SLC48A1: variants seen among roughly 807,000 people sequenced by gnomAD.
The protein encoded by SLC48A1 is heme transporter HRG1.
In SLC48A1, 6 loss-of-function variants were observed where a neutral mutation model predicts 14.8. That is an observed-to-expected ratio of 0.41 (90% CI 0.22 to 0.80). SLC48A1 has a LOEUF of 0.80. SLC48A1 is among the 30% of genes least tolerant of loss of function. The pLI, the probability that SLC48A1 is intolerant of heterozygous loss-of-function variation, is 0.34. For synonymous variants in SLC48A1, 89 were observed against 90.0 expected, an observed-to-expected ratio of 0.99 and a Z score of 0.06; for missense variants, 165 against 204.8, an observed-to-expected ratio of 0.81 and a Z score of 1.19.
In SLC48A1 at chr12:47,760,365, A is replaced by C. The variant is rs937750415; in HGVS notation, c.-223A>C. The C allele has an allele frequency of 4.1e-6, 4 of 985,364 alleles. No individual in the cohort carries two copies. The South Asian group carries it at 1.4e-4, about 35-fold the overall frequency. 61.0% of individuals were successfully genotyped at this position (985,364 alleles called of 1,614,324 possible). ...TTTGGAAGAAGGAAGAGCAACCTGG[A>C]AACTGACAGGAAAGGATGACAAGTT... On this transcript the variant is annotated 5_prime_UTR_variant, in exon 2 of 5. Transcript: ENST00000547002.
At chr12:47,776,674 G>C (rs1322306405) in intron 1 of SLC48A1, among the ~76,000 whole-genome samples, 3 of 152,136 alleles carry the variant, frequency 2.0e-5, no homozygotes, top group Non-Finnish European at 4.4e-5. Flanking sequence ...AACCATGCCT[G>C]TTGTTAACAA....
At chr12:47,761,392 T>C (rs905433075) in intron 2 of SLC48A1, among the ~76,000 whole-genome samples, 2 of 152,174 alleles carry the variant, frequency 1.3e-5, no homozygotes, top group Non-Finnish European at 2.9e-5. Flanking sequence ...TCTGGGGAGA[T>C]TGAGAAGAGG....
rs144936903 is a variant in SLC48A1, at chr12:47,760,817, G to A, written c.-187+416G>A. ...ATGAATCCAGGTTGTCTGTCTCCACGTACTCACCATGGTATACTGCGTATA... is the reference window on the plus strand; with the variant it reads ...ATGAATCCAGGTTGTCTGTCTCCACATACTCACCATGGTATACTGCGTATA... On this transcript the variant is annotated intron_variant, in intron 2 of 4. Transcript: ENST00000547002. Among the ~76,000 whole-genome samples, 135 of 152,266 alleles carry A rather than the reference G, an allele frequency of 8.9e-4. 3 individuals carry two copies. In the South Asian group the frequency reaches 0.016, roughly 18 times the overall value.
intron 2 of SLC48A1, among the ~76,000 whole-genome samples, chr12:47,779,524 G>T (rs545146200): frequency 1.3e-5 from 2 of 152,186 alleles, no homozygotes; most frequent in African/African-American, 2.4e-5. Flanking sequence ...TCCTTCTTCC[G>T]GGAGTCTGAT....
chr12:47,780,245 T>G lies in SLC48A1; in HGVS notation c.405T>G (p.Ala135=). 6.2e-7 allele frequency: 1 copy of G among 1,614,266 alleles called. No individual in the cohort carries two copies. The highest frequency in any genetic ancestry group is 8.5e-7 in the Non-Finnish European group (1 of 1,180,040). ...GCCTCTATGCCCACCGCTACCGGGC[T>G]GACTTTGCTGACATCAGCATCCTCA... ...LLSLYAHRYR[A]DFADISILSD... The change falls in exon 3 of 3, where the codon GCT becomes GCG. Residue 135 remains alanine, a synonymous_variant. Coordinates refer to ENST00000442218, the MANE Select transcript of SLC48A1 (RefSeq NM_017842.3).
intron 2 of SLC48A1, among the ~76,000 whole-genome samples, chr12:47,765,859 T>C (rs1032560177): frequency 6.6e-6 from 1 of 151,706 alleles, no homozygotes; most frequent in Non-Finnish European, 1.5e-5. Flanking sequence ...TCAGGAGAGG[T>C]TTCCTGCATT....
upstream of SLC48A1, among the ~76,000 whole-genome samples, chr12:47,768,079 G>T (rs1028236224): frequency 1.3e-5 from 2 of 152,180 alleles, no homozygotes; most frequent in Admixed American, 1.3e-4. Context: ...CCAGGTTCAA[G>T]TGATTCTCCT....
At chr12:47,775,141 A>G (rs1942717923) in intron 1 of SLC48A1, among the ~76,000 whole-genome samples, 1 of 152,118 alleles carries the variant, frequency 6.6e-6, no homozygotes, top group African/African-American at 2.4e-5. Flanking sequence ...GATGTCCCCA[A>G]AAGACATCTG....
At chr12:47,768,914 T>C (rs1942571671), upstream of SLC48A1, 1 of 152,206 alleles carries the variant, frequency 6.6e-6, no homozygotes, top group Admixed American at 6.5e-5. Flanking sequence ...GCAACTGAGC[T>C]GTAACAAAGC....
chr12:47,771,866 G>T (rs546324518), upstream of SLC48A1, among the ~76,000 whole-genome samples: 426 of 151,912 alleles, frequency 2.8e-3, 2 homozygotes, highest in African/African-American at 1.0e-2. Context: ...CCAGGAGGCA[G>T]AGATTGCAGT....
At chr12:47,778,788 C>G (rs528318659) in intron 1 of SLC48A1, 1 of 437,008 alleles carries the variant, frequency 2.3e-6, no homozygotes, top group South Asian at 5.9e-5. Context: ...AAAATAAAAT[C>G]AGAGAGAATG....
intron 2 of SLC48A1, among the ~76,000 whole-genome samples, chr12:47,763,461 G>C (rs1942434779): frequency 6.6e-6 from 1 of 152,150 alleles, no homozygotes; most frequent in African/African-American, 2.4e-5. Context: ...ATACCCCTAG[G>C]AGTCGACCTT....
intron 1 of SLC48A1, among the ~76,000 whole-genome samples, chr12:47,774,303 C>T (rs908325463): frequency 6.6e-6 from 1 of 152,206 alleles, no homozygotes; most frequent in Non-Finnish European, 1.5e-5. Flanking sequence ...TTAAAAAATG[C>T]TTTCTATGTG....
At chr12:47,778,314 T>G (rs1359566749) in intron 1 of SLC48A1, 1 of 152,216 alleles carries the variant, frequency 6.6e-6, no homozygotes, top group African/African-American at 2.4e-5. Flanking sequence ...TGCCGCAAAA[T>G]GGAGGGAGTG....
chr12:47,763,305 G>A (rs1942428893), intron 2 of SLC48A1, among the ~76,000 whole-genome samples: 1 of 152,192 alleles, frequency 6.6e-6, no homozygotes, highest in South Asian at 2.1e-4. Context: ...TGGTGGGATG[G>A]AGAGAGGGAG....
upstream of SLC48A1, among the ~76,000 whole-genome samples, chr12:47,754,799 T>C (rs1413035020): frequency 6.6e-6 from 1 of 152,156 alleles, no homozygotes. Context: ...AAGAAGCAGC[T>C]GATATGAGTC....
At chr12:47,760,457 C>A in intron 2 of SLC48A1, 1 of 966,028 alleles carries the variant, frequency 1.0e-6, no homozygotes, top group Non-Finnish European at 1.2e-6. Context: ...TTGCTGGGGC[C>A]AGTGCCCTGG....
upstream of SLC48A1, among the ~76,000 whole-genome samples, chr12:47,766,989 G>C (rs547095889): frequency 6.6e-6 from 1 of 152,154 alleles, no homozygotes; most frequent in East Asian, 1.9e-4. Flanking sequence ...GCTCCTCCTT[G>C]CAGCCAGCCA....
At chr12:47,754,770 T>G (rs1285187644), upstream of SLC48A1, among the ~76,000 whole-genome samples, 1 of 152,214 alleles carries the variant, frequency 6.6e-6, no homozygotes, top group Admixed American at 6.5e-5. Context: ...TCATGTCAGT[T>G]TCAGGGTTCT....
Sources: gnomAD v4.1 joint callset for allele counts (sites outside exome capture counted in the v4.1 genomes callset) on GRCh38, gnomAD v4.1.1 for gene constraint, MANE v1.5 for transcripts, NCBI Gene and HGNC (gene_info 2026-07-23, HGNC 2026-07-21) for gene names.